RGL1: variants seen among roughly 807,000 people sequenced by gnomAD.
RGL1 encodes the protein ral guanine nucleotide dissociation stimulator like 1.
Under a neutral mutation model 95.2 loss-of-function variants are expected in RGL1, and 24 were observed. That is an observed-to-expected ratio of 0.25 (90% CI 0.18 to 0.35). The LOEUF is 0.35. RGL1 is among the 10% of genes least tolerant of loss of function. The pLI is 1.00. For synonymous variants in RGL1, 329 were observed against 344.9 expected, an observed-to-expected ratio of 0.95 and a Z score of 0.51; for missense variants, 715 against 936.3, an observed-to-expected ratio of 0.76 and a Z score of 3.08.
At chr1:183,696,040 C>T (rs1016664826) in intron 1 of RGL1, among the ~76,000 whole-genome samples, 1 of 152,162 alleles carries the variant, frequency 6.6e-6, no homozygotes, top group Admixed American at 6.5e-5. Context: ...TCTAACTATA[C>T]CTGAAAATAT....
At position 183,671,927 on chromosome 1, in the gene RGL1, A is replaced by AT. The variant is rs562902094; in HGVS notation, c.-33+35436dup. 1.6e-3 allele frequency among the ~76,000 whole-genome samples: 229 copies of AT among 139,452 alleles called. 2 individuals are homozygous for AT. The highest frequency in any genetic ancestry group is 0.015 in the South Asian group (68 of 4,472). 91.5% of individuals were successfully genotyped at this position (139,452 alleles called of 152,430 possible). ...ATTTAAGAAACATTCCTTACCTTTG[A>AT]TTTTTTTTTTCTTTTTTTTTTTTGA... On this transcript the variant is annotated intron_variant, in intron 1 of 18. Transcript: ENST00000304685.
intron 2 of RGL1, among the ~76,000 whole-genome samples, chr1:183,807,927 T>G (rs1038013929): frequency 6.6e-6 from 1 of 152,234 alleles, no homozygotes; most frequent in Non-Finnish European, 1.5e-5. Context: ...TGTGTATGTA[T>G]TTTATTTAAA....
intron 1 of RGL1, among the ~76,000 whole-genome samples, chr1:183,645,275 G>T (rs1650206636): frequency 6.6e-6 from 1 of 152,114 alleles, no homozygotes. Flanking sequence ...ATCTCAAGAG[G>T]TTTGTTAATC....
intron 3 of RGL1, among the ~76,000 whole-genome samples, chr1:183,849,362 G>A (rs2102542900): frequency 6.6e-6 from 1 of 151,844 alleles, no homozygotes; most frequent in South Asian, 2.1e-4. Context: ...CTCAAAAAAT[G>A]TAATTCTTAT....
intron 3 of RGL1, among the ~76,000 whole-genome samples, chr1:183,849,577 G>A (rs1378696759): frequency 7.7e-6 from 1 of 129,982 alleles, no homozygotes; most frequent in African/African-American, 2.9e-5. Context: ...TGCAACCTCC[G>A]CCTCTTGGGT....
At chr1:183,923,290 A>G (rs957853783) in intron 17 of RGL1, among the ~76,000 whole-genome samples, 2 of 152,140 alleles carry the variant, frequency 1.3e-5, no homozygotes, top group Non-Finnish European at 2.9e-5. Flanking sequence ...TTTAGAGGAG[A>G]GTGGCTGAAA....
chr1:183,793,382 C>T (rs1168165039), intron 2 of RGL1, among the ~76,000 whole-genome samples: 2 of 152,086 alleles, frequency 1.3e-5, no homozygotes, highest in Non-Finnish European at 2.9e-5. Flanking sequence ...ATGGCTAAGA[C>T]TTCAAAAGCA....
chr1:183,720,672 G>A (rs1655968788), intron 1 of RGL1, among the ~76,000 whole-genome samples: 1 of 152,176 alleles, frequency 6.6e-6, no homozygotes, highest in Non-Finnish European at 1.5e-5. Context: ...TTTGCTTATT[G>A]TAGTAGTCCT....
intron 1 of RGL1, among the ~76,000 whole-genome samples, chr1:183,728,620 T>A (rs528802539): frequency 1.6e-4 from 24 of 152,242 alleles, no homozygotes; most frequent in African/African-American, 5.3e-4. Context: ...CCAATAAAAA[T>A]CCAGATTTTC....
intron 1 of RGL1, among the ~76,000 whole-genome samples, chr1:183,722,624 A>G (rs1656075604): frequency 6.6e-6 from 1 of 152,346 alleles, no homozygotes; most frequent in Non-Finnish European, 1.5e-5. Flanking sequence ...CATAAAAATA[A>G]TTACAACAGA....
At chr1:183,661,156 G>A (rs1283434782) in intron 1 of RGL1, among the ~76,000 whole-genome samples, 3 of 152,104 alleles carry the variant, frequency 2.0e-5, no homozygotes, top group Non-Finnish European at 4.4e-5. Context: ...AACTAGAAAA[G>A]CAAGAGCAAA....
intron 1 of RGL1, among the ~76,000 whole-genome samples, chr1:183,678,682 G>A (rs1300067310): frequency 6.6e-6 from 1 of 151,558 alleles, no homozygotes; most frequent in Non-Finnish European, 1.5e-5. Context: ...GCTCACTTAA[G>A]TGCAAGATTC....
chr1:183,693,055 A>G (rs1654050340), intron 1 of RGL1, among the ~76,000 whole-genome samples: 1 of 151,954 alleles, frequency 6.6e-6, no homozygotes, highest in Admixed American at 6.6e-5. Context: ...CCGAGGTTCA[A>G]GCAATTCTTC....
At chr1:183,663,422 T>TTCTTTTTTTTTTTTTTTTTTTTTTG (rs1651791746) in intron 1 of RGL1, among the ~76,000 whole-genome samples, 1 of 151,844 alleles carries the variant, frequency 6.6e-6, no homozygotes, top group Admixed American at 6.6e-5. Context: ...ATACACTTCT[T>TTCTTTTTTTTTTTTTTTTTTTTTTG]AAAAGAAGAC....
At chr1:183,749,625 C>T (rs952299346) in intron 2 of RGL1, among the ~76,000 whole-genome samples, 2 of 152,174 alleles carry the variant, frequency 1.3e-5, no homozygotes, top group African/African-American at 4.8e-5. Context: ...GGTAATTTTG[C>T]ACGTTAGTTG....
intron 1 of RGL1, among the ~76,000 whole-genome samples, chr1:183,729,222 T>C (rs1001220046): frequency 5.3e-5 from 8 of 151,936 alleles, no homozygotes; most frequent in African/African-American, 1.9e-4. Flanking sequence ...TATTTTATAT[T>C]ATAAGGACTG....
At chr1:183,708,871 C>T (rs1487957407) in intron 1 of RGL1, among the ~76,000 whole-genome samples, 1 of 152,164 alleles carries the variant, frequency 6.6e-6, no homozygotes, top group Non-Finnish European at 1.5e-5. Context: ...ACACAAGGGA[C>T]GCGGACCGGG....
At chr1:183,873,362 C>T (rs906725896) in intron 4 of RGL1, among the ~76,000 whole-genome samples, 11 of 152,222 alleles carry the variant, frequency 7.2e-5, no homozygotes, top group Admixed American at 6.5e-4. Flanking sequence ...CTGCTAAGTA[C>T]TTTATATTTG....
intron 1 of RGL1, among the ~76,000 whole-genome samples, chr1:183,684,387 C>A (rs1242019524): frequency 6.6e-6 from 1 of 152,042 alleles, no homozygotes; most frequent in East Asian, 1.9e-4. Flanking sequence ...TTATGCTATT[C>A]CTTTCTGTTT....
Sources: gnomAD v4.1 joint callset for allele counts (sites outside exome capture counted in the v4.1 genomes callset) on GRCh38, gnomAD v4.1.1 for gene constraint, MANE v1.5 for transcripts, NCBI Gene and HGNC (gene_info 2026-07-23, HGNC 2026-07-21) for gene names.